Variants in CTNND2 observed in about 807,000 individuals in gnomAD.
The protein encoded by CTNND2 is catenin delta-2.
Under a neutral mutation model 144.4 loss-of-function variants are expected in CTNND2, and 22 were observed. The observed-to-expected ratio is 0.15, with a 90% CI of 0.11 to 0.22. The LOEUF is 0.22. CTNND2 is among the 10% of genes least tolerant of loss of function. The probability of loss-of-function intolerance (pLI) is 1.00; values close to 1 mark genes in which losing one functional copy is unlikely to be tolerated. For synonymous variants in CTNND2, 751 were observed against 695.6 expected, an observed-to-expected ratio of 1.08 and a Z score of -1.25; for missense variants, 1,353 against 1,618.8, an observed-to-expected ratio of 0.84 and a Z score of 2.82.
At chr5:11,866,262 C>A (rs1373554665) in intron 1 of CTNND2, among the ~76,000 whole-genome samples, 2 of 152,118 alleles carry the variant, frequency 1.3e-5, no homozygotes, top group Non-Finnish European at 1.5e-5. Context: ...ATGATTTTGC[C>A]ACTGCACTCC....
intron 18 of CTNND2, among the ~76,000 whole-genome samples, chr5:11,007,995 T>C (rs1321311630): frequency 6.6e-6 from 1 of 152,196 alleles, no homozygotes; most frequent in African/African-American, 2.4e-5. Flanking sequence ...CTGGCTCTTT[T>C]CCATTCCAGT....
chr5:11,757,848 A>ACC (rs1350300908), intron 1 of CTNND2, among the ~76,000 whole-genome samples: 2 of 151,910 alleles, frequency 1.3e-5, no homozygotes, highest in Non-Finnish European at 2.9e-5. Context: ...AAATCTTCTG[A>ACC]CCCTTACATC....
chr5:11,475,431 G>T (rs1417451466), intron 3 of CTNND2, among the ~76,000 whole-genome samples: 3 of 152,166 alleles, frequency 2.0e-5, no homozygotes, highest in Non-Finnish European at 4.4e-5. Context: ...ATCAGTTTGG[G>T]TTCAATAGCA....
intron 3 of CTNND2, among the ~76,000 whole-genome samples, chr5:11,505,891 G>A (rs1352443922): frequency 2.0e-5 from 3 of 152,124 alleles, no homozygotes; most frequent in African/African-American, 7.2e-5. Flanking sequence ...TATGGTTCCT[G>A]TGCCAGCTGC....
intron 12 of CTNND2, among the ~76,000 whole-genome samples, chr5:11,150,648 G>A (rs534388802): frequency 2.2e-5 from 3 of 136,158 alleles, no homozygotes; most frequent in East Asian, 4.2e-4. Flanking sequence ...TTTTTTTGAC[G>A]GGGAGTTTTG....
At position 11,904,295 on chromosome 5, in the gene CTNND2, G is replaced by A. The variant is rs1178240056; in HGVS notation, c.-442C>T. Among the ~76,000 whole-genome samples the A allele has an allele frequency of 6.8e-6, 1 of 146,742 alleles. No homozygotes were observed. Among genetic ancestry groups the A allele is most frequent in the African/African-American group, 2.4e-5 (1 of 40,826 alleles). On this transcript the variant is annotated 5_prime_UTR_variant, in exon 1 of 22. Coordinates refer to ENST00000304623, the MANE Select transcript of CTNND2 (RefSeq NM_001332.4). This position sits in a 1 kb window ranked among gnomAD's most constrained non-coding sequence, Gnocchi z 4.2. The stretch of plus-strand genomic sequence containing the variant: ...GAGCTGCGCCCCGCGCGCGGCCCGC[G>A]CCACCTGTGCCGCCGCCGCCTCAGC...
At position 11,199,396 on chromosome 5, in the gene CTNND2, A is replaced by G. The variant is rs1191579252; in HGVS notation, c.1975+52T>C. Reference sequence around the variant, plus strand: ...TAGTACATTTGCCTCTGTGTTGGATAATGGAAAGTTTATCTTGAGATATAA... The same window carrying G: ...TAGTACATTTGCCTCTGTGTTGGATGATGGAAAGTTTATCTTGAGATATAA... On this transcript the variant is annotated intron_variant, in intron 11 of 21. Transcript: ENST00000304623. 2.7e-6 allele frequency: 4 copies of G among 1,503,184 alleles called. No individual in the cohort carries two copies. The Admixed American group carries it at 6.7e-5, about 25-fold the overall frequency. The allele number at this position is 1,503,184 out of a possible 1,614,324, so 93.1% of individuals were successfully genotyped here.
chr5:11,167,713 TCAG>T (rs1272201855), intron 11 of CTNND2, among the ~76,000 whole-genome samples: 1 of 150,600 alleles, frequency 6.6e-6, no homozygotes, highest in African/African-American at 2.4e-5. Flanking sequence ...TTTTTTTTTT[TCAG>T]ACAGAGTCTC....
At chr5:11,065,535 T>C (rs1747470223) in intron 16 of CTNND2, among the ~76,000 whole-genome samples, 1 of 152,230 alleles carries the variant, frequency 6.6e-6, no homozygotes, top group Non-Finnish European at 1.5e-5. Flanking sequence ...AATACTCCCT[T>C]TTCTTCAACA....
At chr5:11,360,972 C>G (rs1756390204) in intron 8 of CTNND2, among the ~76,000 whole-genome samples, 1 of 152,156 alleles carries the variant, frequency 6.6e-6, no homozygotes, top group Non-Finnish European at 1.5e-5. Flanking sequence ...CCAATGCAGT[C>G]AACGAAGCCC....
intron 2 of CTNND2, among the ~76,000 whole-genome samples, chr5:11,699,425 A>C (rs1048880270): frequency 1.3e-5 from 2 of 152,170 alleles, no homozygotes; most frequent in African/African-American, 4.8e-5. Context: ...TGTGGGTGAG[A>C]GGGAAATAAG....
rs150807754 is a variant in CTNND2 at position 11,273,469 on chromosome 5, T to C, written c.1629-36646A>G. Among the ~76,000 whole-genome samples, 17 of 152,324 alleles carry C rather than the reference T, an allele frequency of 1.1e-4. 1 individual carries two copies. Among genetic ancestry groups the C allele is most frequent in the Admixed American group, 5.9e-4 (9 of 15,298 alleles). On this transcript the variant is annotated intron_variant, in intron 9 of 21. Transcript: ENST00000304623. ...GCTGAAGAGCAGTCCCTCTCTTCAG[T>C]CAAGGAAACTCAGATGCCTTCATTA...
chr5:11,198,499 T>A, intron 11 of CTNND2, among the ~76,000 whole-genome samples: 1 of 152,230 alleles, frequency 6.6e-6, no homozygotes, highest in East Asian at 1.9e-4. Flanking sequence ...GTATTTTCTT[T>A]AAAAACACAT....
At chr5:11,837,135 A>C (rs1303246602) in intron 1 of CTNND2, among the ~76,000 whole-genome samples, 1 of 152,222 alleles carries the variant, frequency 6.6e-6, no homozygotes, top group African/African-American at 2.4e-5. Flanking sequence ...TGAAGTACAC[A>C]GGAGAGAACA....
In CTNND2 at chr5:10,973,226, C is replaced by A. The variant is rs1736020785; in HGVS notation, c.*227G>T. 2.0e-6 allele frequency: 1 copy of A among 492,672 alleles called. No homozygotes were observed. The highest frequency in any genetic ancestry group is 3.5e-6 in the Non-Finnish European group (1 of 286,484). The allele number at this position is 492,672 out of a possible 1,614,324, so 30.5% of individuals were successfully genotyped here. ...CAGCTCACGCTAGAAAGGTGCTGCC[C>A]ACTGTCATATTTAGGATCACTTTAG... On this transcript the variant is annotated 3_prime_UTR_variant, in exon 22 of 22. Transcript: ENST00000304623. The surrounding 1 kb of genome is among the most constrained non-coding windows in gnomAD (Gnocchi z 5.6).
chr5:11,871,547 G>A (rs1387150205), intron 1 of CTNND2, among the ~76,000 whole-genome samples: 27 of 152,074 alleles, frequency 1.8e-4, no homozygotes, highest in Non-Finnish European at 2.4e-4. Context: ...CTTTAAGAAC[G>A]ATCAGACTTA....
chr5:11,342,033 T>A (rs1754324603), intron 9 of CTNND2, among the ~76,000 whole-genome samples: 1 of 152,190 alleles, frequency 6.6e-6, no homozygotes. Context: ...ATTTTTATAG[T>A]ATATTTTGTT....
At chr5:11,584,414 T>C (rs1405679677) in intron 2 of CTNND2, among the ~76,000 whole-genome samples, 2 of 88,686 alleles carry the variant, frequency 2.3e-5, no homozygotes, top group Admixed American at 1.1e-4. Flanking sequence ...TACATATATA[T>C]ATATTTTTTT....
chr5:11,160,298 G>A (rs1159199780), intron 11 of CTNND2, among the ~76,000 whole-genome samples: 1 of 152,214 alleles, frequency 6.6e-6, no homozygotes, highest in Admixed American at 6.5e-5. Context: ...TGCCCCTTGT[G>A]ACTGTTTTGT....
Sources: gnomAD v4.1 joint callset for allele counts (sites outside exome capture counted in the v4.1 genomes callset) on GRCh38, gnomAD v4.1.1 for gene constraint, Gnocchi (gnomAD v3.1) non-coding constraint, MANE v1.5 for transcripts, NCBI Gene and HGNC (gene_info 2026-07-23, HGNC 2026-07-21) for gene names.